Variants in UNC13C observed in about 807,000 individuals in gnomAD.
The protein encoded by UNC13C is protein unc-13 homolog C.
In UNC13C, 174 loss-of-function variants were observed where a neutral mutation model predicts 245.4. That is an observed-to-expected ratio of 0.71 (90% CI 0.63 to 0.80). The LOEUF (loss-of-function observed/expected upper bound fraction) is 0.80. Ranked by LOEUF, UNC13C falls within the 30% of genes least tolerant of loss-of-function variation. The pLI is 0.00. For synonymous variants in UNC13C, 992 were observed against 895.1 expected (o/e 1.11, Z -1.93); for missense variants, 2,829 against 2,602.9 (o/e 1.09, Z -1.89).
chr15:54,286,983 GA>G lies in UNC13C; in HGVS notation c.3819-6908del, dbSNP rs1203920025. 1.5e-4 allele frequency among the ~76,000 whole-genome samples: 23 copies of G among 152,150 alleles called. 1 individual carries two copies. In the South Asian group the frequency reaches 4.6e-3, roughly 30 times the overall value. On this transcript the variant is annotated intron_variant, in intron 10 of 32. Coordinates refer to ENST00000260323, the MANE Select transcript of UNC13C (RefSeq NM_001080534.3). Reference sequence around the variant, plus strand: ...AGAAGAGAATTATTTTTAATTAAAGGAAAACTGCAAAACAAATAACTTGGCT... The same window carrying G: ...AGAAGAGAATTATTTTTAATTAAAGGAAACTGCAAAACAAATAACTTGGCT...
chr15:54,530,288 TTG>T (rs1191333432), intron 25 of UNC13C, among the ~76,000 whole-genome samples: 10 of 152,172 alleles, frequency 6.6e-5, no homozygotes, highest in Non-Finnish European at 1.5e-4. Context: ...GAGTTGCCAT[TTG>T]TGTGTTTGTC....
chr15:53,932,180 G>T, the UNC13C span, among the ~76,000 whole-genome samples: 1 of 152,078 alleles, frequency 6.6e-6, no homozygotes, highest in Non-Finnish European at 1.5e-5. Context: ...GTGGTGGCAC[G>T]TGCCTGTAGT....
chr15:54,096,649 C>T (rs574840922), intron 2 of UNC13C, among the ~76,000 whole-genome samples: 1 of 152,296 alleles, frequency 6.6e-6, no homozygotes, highest in South Asian at 2.1e-4. Context: ...TTAGAATCCA[C>T]ACTAACTTTC....
chr15:54,147,015 A>G (rs1426584241), intron 4 of UNC13C, among the ~76,000 whole-genome samples: 3 of 152,152 alleles, frequency 2.0e-5, no homozygotes, highest in Admixed American at 1.3e-4. Context: ...AGCCAGCTCT[A>G]TTATCTCCAC....
chr15:54,217,743 A>G (rs1395094781), intron 4 of UNC13C, among the ~76,000 whole-genome samples: 1 of 151,808 alleles, frequency 6.6e-6, no homozygotes, highest in Non-Finnish European at 1.5e-5. Flanking sequence ...TTCATAGAGG[A>G]TAAAAAATAC....
chr15:53,858,258 T>C, the UNC13C span, among the ~76,000 whole-genome samples: 2 of 152,196 alleles, frequency 1.3e-5, no homozygotes, highest in Non-Finnish European at 2.9e-5. Flanking sequence ...ACTGAGATTT[T>C]GATATGCATT....
chr15:54,494,035 T>C lies in UNC13C; in HGVS notation c.4934-573T>C, dbSNP rs191464350. 3.5e-3 allele frequency among the ~76,000 whole-genome samples: 529 copies of C among 151,880 alleles called. 3 individuals are homozygous for C. The highest frequency in any genetic ancestry group is 0.012 in the African/African-American group (513 of 41,258). ...AAGTTAGAGATATTTTCTCTCCTTTTCAACTATTTTAATGCTTTAGGGGGT... is the reference window on the plus strand; with the variant it reads ...AAGTTAGAGATATTTTCTCTCCTTTCCAACTATTTTAATGCTTTAGGGGGT... On this transcript the variant is annotated intron_variant, in intron 19 of 32. Transcript: ENST00000260323.
At chr15:54,058,380 TC>T (rs1897641707) in intron 2 of UNC13C, among the ~76,000 whole-genome samples, 1 of 152,192 alleles carries the variant, frequency 6.6e-6, no homozygotes, top group African/African-American at 2.4e-5. Context: ...GATAAGTTCC[TC>T]GACACATACA....
In UNC13C at chr15:54,507,111, T is replaced by C; in HGVS notation, c.5302-6T>C. On this transcript the variant is annotated splice_polypyrimidine_tract_variant and splice_region_variant and intron_variant, in intron 22 of 32. Coordinates refer to ENST00000260323, the MANE Select transcript of UNC13C (RefSeq NM_001080534.3). ...TGGGTAAAGTTCACAATGTTTTCTT[T>C]CTTAGACTATCAATAAAGTGCTGCT... 6.3e-7 allele frequency: 1 copy of C among 1,584,182 alleles called. No homozygotes were observed. Among genetic ancestry groups the C allele is most frequent in the East Asian group, 2.3e-5 (1 of 44,244 alleles).
At chr15:53,873,524 TCCC>T in the UNC13C span, among the ~76,000 whole-genome samples, 1 of 152,048 alleles carries the variant, frequency 6.6e-6, no homozygotes, top group Non-Finnish European at 1.5e-5. Flanking sequence ...TTCCTTTCCC[TCCC>T]CTCTTTTGGA....
chr15:54,626,997 A>G lies in UNC13C; in HGVS notation c.6529A>G (p.Met2177Val), dbSNP rs1425552184. Residue 2177 changes from methionine to valine, a missense_variant, in exon 33 of 33, where the codon ATG becomes GTG. By Grantham distance (21) the Met-to-Val change is conservative. Coordinates refer to ENST00000260323, the MANE Select transcript of UNC13C (RefSeq NM_001080534.3). Reference sequence around the variant, plus strand: ...GTATCCTCTTCTGAAAAATATCTCTATGGATGAAACTGGTTTGACTATCCT... The same window carrying G: ...GTATCCTCTTCTGAAAAATATCTCTGTGGATGAAACTGGTTTGACTATCCT... ...AWYPLLKNIS[M>V]DETGLTILRI... 1 of 1,613,430 alleles carries G rather than the reference A, an allele frequency of 6.2e-7. No individual in the cohort carries two copies. Among genetic ancestry groups the G allele is most frequent in the Non-Finnish European group, 8.5e-7 (1 of 1,179,586 alleles).
intron 17 of UNC13C, among the ~76,000 whole-genome samples, chr15:54,370,682 A>G (rs886549490): frequency 1.3e-4 from 20 of 152,120 alleles, no homozygotes; most frequent in Non-Finnish European, 2.8e-4. Context: ...TTTTATTTAT[A>G]GATTTTGGTT....
At chr15:54,135,426 C>G (rs144965554) in intron 2 of UNC13C, among the ~76,000 whole-genome samples, 123 of 152,178 alleles carry the variant, frequency 8.1e-4, no homozygotes, top group African/African-American at 2.7e-3. Context: ...TATCTTGGAG[C>G]TTTATGGGTT....
At chr15:53,971,260 C>A in the UNC13C span, among the ~76,000 whole-genome samples, 1 of 152,170 alleles carries the variant, frequency 6.6e-6, no homozygotes, top group Admixed American at 6.5e-5. Context: ...AAATGAGTGA[C>A]ATTGGATGCT....
intron 8 of UNC13C, among the ~76,000 whole-genome samples, chr15:54,255,305 G>T (rs11630329): frequency 0.15 from 22,720 of 152,084 alleles, 1,805 homozygotes; most frequent in African/African-American, 0.19. Flanking sequence ...ATGAGTGCAA[G>T]GTTTTATTGA....
the UNC13C span, among the ~76,000 whole-genome samples, chr15:53,846,914 T>C: frequency 6.6e-6 from 1 of 152,114 alleles, no homozygotes; most frequent in East Asian, 1.9e-4. Flanking sequence ...TCCGTGACTG[T>C]GAGTCCATAA....
At chr15:53,864,331 G>A in the UNC13C span, among the ~76,000 whole-genome samples, 1 of 152,160 alleles carries the variant, frequency 6.6e-6, no homozygotes, top group African/African-American at 2.4e-5. Context: ...TATCTTTAGT[G>A]ATTCTGGAAA....
chr15:54,485,805 A>G (rs1893375381), intron 19 of UNC13C, among the ~76,000 whole-genome samples: 1 of 151,840 alleles, frequency 6.6e-6, no homozygotes, highest in East Asian at 1.9e-4. Context: ...GGGCCATTTC[A>G]CTGTCTGTAT....
intron 23 of UNC13C, among the ~76,000 whole-genome samples, chr15:54,511,336 T>C (rs988393869): frequency 1.3e-5 from 2 of 152,110 alleles, no homozygotes; most frequent in South Asian, 2.1e-4. Flanking sequence ...TTAAGTTTAT[T>C]TTTAAAATGT....
Sources: allele counts gnomAD v4.1 joint callset (sites outside exome capture counted in the v4.1 genomes callset), GRCh38; gene constraint gnomAD v4.1.1; transcripts MANE v1.5; gene names NCBI Gene and HGNC (gene_info 2026-07-23, HGNC 2026-07-21).